Variants in SKAP2 observed in about 807,000 individuals in gnomAD.
The protein encoded by SKAP2 is src kinase associated phosphoprotein 2.
In SKAP2, 28 loss-of-function variants were observed where a neutral mutation model predicts 54.9. The ratio of observed to expected loss-of-function variants is 0.51; its 90% confidence interval spans 0.38 to 0.70. The LOEUF is 0.70. Ranked by LOEUF, SKAP2 falls within the 30% of genes least tolerant of loss-of-function variation. SKAP2 has a pLI of 0.00. For synonymous variants in SKAP2, 137 were observed against 134.3 expected (o/e 1.02, Z -0.14); for missense variants, 356 against 424.1 (o/e 0.84, Z 1.41).
intron 4 of SKAP2, among the ~76,000 whole-genome samples, chr7:26,754,729 A>G (rs1782752594): frequency 6.6e-6 from 1 of 152,242 alleles, no homozygotes; most frequent in African/African-American, 2.4e-5. Context: ...GTAAACAACC[A>G]GTGCTGTTCA....
chr7:26,700,829 T>C (rs1767748089), intron 9 of SKAP2, among the ~76,000 whole-genome samples: 1 of 152,230 alleles, frequency 6.6e-6, no homozygotes, highest in African/African-American at 2.4e-5. Flanking sequence ...TCCAGACCTC[T>C]AAAGTCTTTC....
chr7:26,860,180 G>A (rs1030434260), intron 1 of SKAP2, among the ~76,000 whole-genome samples: 8 of 152,100 alleles, frequency 5.3e-5, no homozygotes, highest in Non-Finnish European at 8.8e-5. Flanking sequence ...AAAACTGTAC[G>A]TAGTATCAAG....
At chr7:26,809,820 C>A (rs1784103451) in intron 4 of SKAP2, among the ~76,000 whole-genome samples, 2 of 152,194 alleles carry the variant, frequency 1.3e-5, no homozygotes, top group South Asian at 4.1e-4. Context: ...TTCACTGTAG[C>A]ATTATTCACA....
intron 9 of SKAP2, among the ~76,000 whole-genome samples, chr7:26,707,576 T>C (rs1011970147): frequency 1.1e-4 from 17 of 152,260 alleles, no homozygotes; most frequent in African/African-American, 3.9e-4. Context: ...TCTAGCAATA[T>C]GGTCAACCAA....
intron 9 of SKAP2, among the ~76,000 whole-genome samples, chr7:26,714,759 T>C (rs1787394947): frequency 6.6e-6 from 1 of 152,232 alleles, no homozygotes; most frequent in African/African-American, 2.4e-5. Flanking sequence ...TGTGTACATA[T>C]GTGTGTATTT....
At chr7:26,781,310 A>G (rs547051964) in intron 4 of SKAP2, among the ~76,000 whole-genome samples, 1 of 152,116 alleles carries the variant, frequency 6.6e-6, no homozygotes, top group South Asian at 2.1e-4. Flanking sequence ...GTTTTTCCCT[A>G]TTTCCTTCAT....
At chr7:26,830,579 C>T (rs992116188) in intron 4 of SKAP2, among the ~76,000 whole-genome samples, 1 of 152,058 alleles carries the variant, frequency 6.6e-6, no homozygotes, top group African/African-American at 2.4e-5. Flanking sequence ...AAGTCTTACC[C>T]TCAATTCTGT....
chr7:26,855,951 A>G (rs1049003499), intron 1 of SKAP2, among the ~76,000 whole-genome samples: 1 of 152,258 alleles, frequency 6.6e-6, no homozygotes, highest in African/African-American at 2.4e-5. Context: ...TAGCATCAAA[A>G]CAATATTACG....
chr7:26,751,351 A>T (rs1335755113), intron 4 of SKAP2, among the ~76,000 whole-genome samples: 1 of 152,166 alleles, frequency 6.6e-6, no homozygotes, highest in African/African-American at 2.4e-5. Context: ...ACTTATTAAC[A>T]GAAGGTAAAT....
chr7:26,846,485 A>G (rs1784923940), intron 3 of SKAP2, among the ~76,000 whole-genome samples: 1 of 152,212 alleles, frequency 6.6e-6, no homozygotes, highest in Non-Finnish European at 1.5e-5. Context: ...AAATGCAAAC[A>G]CGATTCTATA....
chr7:26,790,904 C>T (rs1352295625), intron 4 of SKAP2, among the ~76,000 whole-genome samples: 1 of 152,152 alleles, frequency 6.6e-6, no homozygotes, highest in African/African-American at 2.4e-5. Context: ...ATGCCTAAGA[C>T]ACCAGAGGAC....
intron 11 of SKAP2, among the ~76,000 whole-genome samples, chr7:26,683,604 C>T (rs987686519): frequency 1.8e-4 from 27 of 150,688 alleles, no homozygotes; most frequent in African/African-American, 6.7e-4. Flanking sequence ...GGGAAAAGCA[C>T]TGGTCTGGGA....
intron 11 of SKAP2, among the ~76,000 whole-genome samples, chr7:26,678,668 T>G (rs1259757562): frequency 6.6e-6 from 1 of 152,152 alleles, no homozygotes; most frequent in Non-Finnish European, 1.5e-5. Flanking sequence ...CTCGAACTCC[T>G]GACTTCAAGT....
intron 11 of SKAP2, among the ~76,000 whole-genome samples, chr7:26,671,941 C>T (rs564282203): frequency 5.5e-4 from 83 of 152,042 alleles, no homozygotes; most frequent in Non-Finnish European, 1.0e-3. Flanking sequence ...AAAAAACACA[C>T]GTACTTAACG....
chr7:26,676,411 C>A lies in SKAP2; in HGVS notation c.988-6219G>T, dbSNP rs986081292. Among the ~76,000 whole-genome samples the A allele has an allele frequency of 3.9e-5, 6 of 152,256 alleles. 1 individual carries two copies. Among genetic ancestry groups the A allele is most frequent in the East Asian group, 1.9e-4 (1 of 5,176 alleles). ...GGTTTGGCTGCCAAGAAGTTCAGGG[C>A]CAAGGTGGAAGTACAACCTCAGAAA... is the stretch of plus-strand genomic sequence containing the variant. On this transcript the variant is annotated intron_variant, in intron 11 of 12. Coordinates refer to ENST00000345317, the MANE Select transcript of SKAP2 (RefSeq NM_003930.5).
intron 6 of SKAP2, among the ~76,000 whole-genome samples, chr7:26,737,533 G>C (rs1787969299): frequency 6.6e-6 from 1 of 152,106 alleles, no homozygotes; most frequent in African/African-American, 2.4e-5. Context: ...TATGTTTTTA[G>C]AATGGGGGAA....
chr7:26,690,494 T>C (rs1786758331), intron 9 of SKAP2, 132 bp from the exon 10 acceptor site: 4 of 586,406 alleles, frequency 6.8e-6, no homozygotes. Flanking sequence ...ATAAAATAAC[T>C]CAAGATTCAC....
chr7:26,779,377 T>C (rs1026024230), intron 4 of SKAP2, among the ~76,000 whole-genome samples: 1 of 152,010 alleles, frequency 6.6e-6, no homozygotes, highest in Non-Finnish European at 1.5e-5. Context: ...TCCATTCATT[T>C]TATAAGTAGG....
At chr7:26,747,807 T>C (rs727448) in intron 4 of SKAP2, among the ~76,000 whole-genome samples, 122,992 of 150,388 alleles carry the variant, frequency 0.82, 50,899 homozygotes, top group African/African-American at 0.95. Context: ...CTCCCCTTTC[T>C]CCTCCCTCTC....
Sources: allele counts gnomAD v4.1 joint callset (sites outside exome capture counted in the v4.1 genomes callset), GRCh38; gene constraint gnomAD v4.1.1; transcripts MANE v1.5; gene names NCBI Gene and HGNC (gene_info 2026-07-23, HGNC 2026-07-21).